BICDL1: variants seen among roughly 807,000 people sequenced by gnomAD.
The protein encoded by BICDL1 is BICD family like cargo adaptor 1.
In BICDL1, 20 loss-of-function variants were observed where a neutral mutation model predicts 76.8. That is an observed-to-expected ratio of 0.26 (90% CI 0.18 to 0.38). The LOEUF is 0.38. Ranked by LOEUF, BICDL1 falls within the 10% of genes least tolerant of loss-of-function variation. BICDL1 has a pLI of 1.00. For synonymous variants in BICDL1, 383 were observed against 337.1 expected (o/e 1.14, Z -1.49); for missense variants, 700 against 798.6 (o/e 0.88, Z 1.49).
intron 2 of BICDL1, among the ~76,000 whole-genome samples, chr12:120,049,837 T>C (rs1202471940): frequency 2.6e-5 from 4 of 152,240 alleles, no homozygotes; most frequent in Non-Finnish European, 4.4e-5. Flanking sequence ...AGTTGTCACA[T>C]GTGTTCTTAA....
chr12:120,026,569 A>G (rs1952307128), intron 2 of BICDL1, among the ~76,000 whole-genome samples: 1 of 152,216 alleles, frequency 6.6e-6, no homozygotes, highest in Non-Finnish European at 1.5e-5. Context: ...AGGGAAAAGG[A>G]CAAAAACTAC....
At position 120,093,401 on chromosome 12, in the gene BICDL1, CT is replaced by C. The variant is rs1875155682; in HGVS notation, c.*242del. 1.3e-5 allele frequency: 7 copies of C among 541,418 alleles called. No individual in the cohort carries two copies. The highest frequency in any genetic ancestry group is 2.3e-5 in the Non-Finnish European group (7 of 303,166). The allele number at this position is 541,418 out of a possible 1,614,324, so 33.5% of individuals were successfully genotyped here. On this transcript the variant is annotated 3_prime_UTR_variant, in exon 10 of 10. Transcript: ENST00000548673. The stretch of plus-strand genomic sequence containing the variant: ...CCGCCTGGCCAAGCCCACGCCTGGG[CT>C]TCTCCAGGACCACGTGCTTGAGCAG...
chr12:120,044,311 C>T (rs996295081), intron 2 of BICDL1, among the ~76,000 whole-genome samples: 3 of 152,014 alleles, frequency 2.0e-5, no homozygotes, highest in African/African-American at 4.8e-5. Context: ...CAGGTGGTGG[C>T]GGGGTGAGGT....
intron 2 of BICDL1, among the ~76,000 whole-genome samples, chr12:120,018,709 A>T (rs975491971): frequency 6.6e-6 from 1 of 151,618 alleles, no homozygotes; most frequent in Middle Eastern, 3.4e-3. Context: ...AAAAAATCAT[A>T]CTATATACCT....
chr12:119,998,437 A>T, intron 1 of BICDL1, 84 bp from the exon 2 acceptor site: 1 of 1,266,132 alleles, frequency 7.9e-7, no homozygotes, highest in Non-Finnish European at 1.1e-6. Context: ...ACTAGGAAAA[A>T]GAAAAGTTGG....
chr12:120,010,846 C>T (rs995347099), intron 2 of BICDL1, among the ~76,000 whole-genome samples: 28 of 152,074 alleles, frequency 1.8e-4, no homozygotes, highest in African/African-American at 6.8e-4. Context: ...GTCTGCAGTC[C>T]CAGTCCTCTG....
At position 120,064,797 on chromosome 12, in the gene BICDL1, A is replaced by G; in HGVS notation, c.827A>G (p.Asn276Ser). ...CGTCTCAGCGCTACTTTAGAGGAAA[A>G]TGACCTGCTCCAAGGGACCGTGGAG... ...EHRLSATLEE[N>S]DLLQGTVEEL... The change falls in exon 4 of 10, where the codon AAT (asparagine) becomes AGT (serine). Residue 276 changes from asparagine (N) to serine (S), a missense_variant. Asn to Ser is a conservative substitution (Grantham distance 46, BLOSUM62 1). This residue lies in a region of BICDL1 where 455 missense variants were observed against 548.7 expected (regional missense o/e 0.83). Coordinates refer to ENST00000548673, the MANE Select transcript of BICDL1 (RefSeq NM_001367886.1). The G allele has an allele frequency of 6.2e-7, 1 of 1,613,838 alleles. No homozygotes were observed. The highest frequency in any genetic ancestry group is 8.5e-7 in the Non-Finnish European group (1 of 1,179,886).
rs764683676 is a variant in BICDL1, at chr12:119,998,610, T to C, written c.519T>C (p.Asp173=). 2 of 1,613,844 alleles carry C rather than the reference T, an allele frequency of 1.2e-6. No homozygotes were observed. Among genetic ancestry groups the C allele is most frequent in the Admixed American group, 1.7e-5 (1 of 59,994 alleles). ...GCCGAGTGTCAGAGCTGGAGAGTGA[T>C]GTGAAGCAGCTACAGGATGAGTTGG... ...WEGRVSELES[D]VKQLQDELER... is the part of the protein sequence containing the mutation. The change falls in exon 2 of 10, where the codon GAT becomes GAC. Residue 173 remains aspartate, a synonymous_variant. Coordinates refer to ENST00000548673, the MANE Select transcript of BICDL1 (RefSeq NM_001367886.1).
intron 2 of BICDL1, among the ~76,000 whole-genome samples, chr12:120,043,273 T>A (rs1359173630): frequency 6.6e-6 from 1 of 152,254 alleles, no homozygotes; most frequent in Admixed American, 6.5e-5. Flanking sequence ...CAGAAGAGCT[T>A]GTCTTCCAGG....
In BICDL1 at chr12:120,071,049, CT is replaced by C. The variant is rs1400484832; in HGVS notation, c.910-566del. Among the ~76,000 whole-genome samples the C allele has an allele frequency of 6.6e-6, 1 of 151,496 alleles. No homozygotes were observed. Among genetic ancestry groups the C allele is most frequent in the Admixed American group, 6.6e-5 (1 of 15,198 alleles). Reference sequence around the variant, plus strand: ...CCGGCCTGGTTGGTATAACTCAAGTCTTTTTTTATTTCTGTGTTCCTCCTTT... The same window carrying C: ...CCGGCCTGGTTGGTATAACTCAAGTCTTTTTTATTTCTGTGTTCCTCCTTT... On this transcript the variant is annotated intron_variant, in intron 4 of 9. Coordinates refer to ENST00000548673, the MANE Select transcript of BICDL1 (RefSeq NM_001367886.1). The surrounding 1 kb of genome is among the most constrained non-coding windows in gnomAD (Gnocchi z 4.8).
intron 2 of BICDL1, among the ~76,000 whole-genome samples, chr12:120,005,455 C>T (rs1371500515): frequency 6.6e-6 from 1 of 152,198 alleles, no homozygotes; most frequent in Non-Finnish European, 1.5e-5. Flanking sequence ...CACACTGCAA[C>T]CTCCACCTCC....
chr12:120,090,889 C>G (rs1350923737), intron 9 of BICDL1: 4 of 1,288,910 alleles, frequency 3.1e-6, no homozygotes, highest in Middle Eastern at 2.1e-4. Context: ...CCGCTGCTCT[C>G]TCTCTTCTCT....
intron 2 of BICDL1, among the ~76,000 whole-genome samples, chr12:120,018,371 ACT>A (rs528977521): frequency 9.5e-4 from 145 of 152,256 alleles, no homozygotes; most frequent in African/African-American, 3.4e-3. Flanking sequence ...AACAAAATGG[ACT>A]CTCTCAGATT....
At chr12:120,080,726 G>T (rs1873902502) in intron 7 of BICDL1, 161 bp from the exon 8 acceptor site, 1 of 628,232 alleles carries the variant, frequency 1.6e-6, no homozygotes, top group African/African-American at 1.9e-5. Flanking sequence ...CTTCAAGAGA[G>T]ACAGGCCCTC....
intron 1 of BICDL1, among the ~76,000 whole-genome samples, chr12:119,996,681 T>TACACAC (rs10545057): frequency 8.0e-5 from 12 of 150,022 alleles, no homozygotes; most frequent in Non-Finnish European, 1.6e-4. Flanking sequence ...CATATACAGA[T>TACACAC]ACACACACAC....
At chr12:120,015,303 A>C (rs1594116915) in intron 2 of BICDL1, among the ~76,000 whole-genome samples, 1 of 152,222 alleles carries the variant, frequency 6.6e-6, no homozygotes, top group African/African-American at 2.4e-5. Context: ...CTCCCTTGGC[A>C]TAACAAATAA....
intron 3 of BICDL1, among the ~76,000 whole-genome samples, 162 bp downstream of exon 3, chr12:120,061,988 T>G (rs996842198): frequency 2.0e-5 from 3 of 152,196 alleles, no homozygotes; most frequent in African/African-American, 7.2e-5. Context: ...GCCTGTTGTC[T>G]GGAAAAATGA....
intron 2 of BICDL1, among the ~76,000 whole-genome samples, chr12:120,056,244 C>T (rs1186178550): frequency 6.6e-6 from 1 of 151,946 alleles, no homozygotes; most frequent in African/African-American, 2.4e-5. Flanking sequence ...TAGAAAGAAA[C>T]CTGAGTTTAA....
chr12:120,013,009 T>C (rs1388577603), intron 2 of BICDL1, among the ~76,000 whole-genome samples: 1 of 152,114 alleles, frequency 6.6e-6, no homozygotes, highest in Non-Finnish European at 1.5e-5. Flanking sequence ...TCTTAATTTA[T>C]CTAAGTTATA....
Sources: gnomAD v4.1 joint callset for allele counts (sites outside exome capture counted in the v4.1 genomes callset) on GRCh38, gnomAD v4.1.1 for gene constraint, gnomAD v4.1.1 regional missense constraint, Gnocchi (gnomAD v3.1) non-coding constraint, MANE v1.5 for transcripts, NCBI Gene and HGNC (gene_info 2026-07-23, HGNC 2026-07-21) for gene names.